Variants in TMEM132B observed in about 807,000 individuals in gnomAD.
The protein encoded by TMEM132B is transmembrane protein 132B.
A neutral mutation model predicts 90.8 loss-of-function variants in TMEM132B; 18 were observed. The observed-to-expected ratio is 0.20, with a 90% CI of 0.14 to 0.29. The LOEUF (loss-of-function observed/expected upper bound fraction) is 0.29. Among genes scored for constraint, TMEM132B ranks in the 10% least tolerant of loss-of-function variants. The pLI, the probability that TMEM132B is intolerant of heterozygous loss-of-function variation, is 1.00. For missense variants in TMEM132B, 1,096 were observed against 1,326.8 expected, an observed-to-expected ratio of 0.83 and a Z score of 2.70; for synonymous variants, 504 against 523.3, an observed-to-expected ratio of 0.96 and a Z score of 0.50.
intron 4 of TMEM132B, among the ~76,000 whole-genome samples, chr12:125,571,610 T>C (rs1884796570): frequency 6.6e-6 from 1 of 152,234 alleles, no homozygotes; most frequent in Non-Finnish European, 1.5e-5. Context: ...TTCATCTCTG[T>C]TGCCTGTTCT....
chr12:125,628,825 A>G (rs896199601), intron 5 of TMEM132B, among the ~76,000 whole-genome samples: 6 of 152,114 alleles, frequency 3.9e-5, no homozygotes, highest in Non-Finnish European at 8.8e-5. Context: ...TGATTTTTGT[A>G]TATGGTAAGA....
intron 2 of TMEM132B, among the ~76,000 whole-genome samples, chr12:125,358,402 T>G (rs1023974159): frequency 1.3e-5 from 2 of 151,692 alleles, no homozygotes; most frequent in African/African-American, 4.9e-5. Context: ...ATATTGTTAT[T>G]TAACAGACAT....
At chr12:125,494,067 G>GCC (rs1882439184) in intron 3 of TMEM132B, among the ~76,000 whole-genome samples, 1 of 136,280 alleles carries the variant, frequency 7.3e-6, no homozygotes, top group Admixed American at 7.3e-5. Context: ...CCTGGAAATG[G>GCC]ATGCGTCCCT....
At chr12:125,265,933 T>TA (rs922660196) in intron 1 of TMEM132B, among the ~76,000 whole-genome samples, 7 of 151,856 alleles carry the variant, frequency 4.6e-5, no homozygotes, top group East Asian at 3.9e-4. Flanking sequence ...GATTATATAT[T>TA]AAAAAAAACC....
intron 2 of TMEM132B, among the ~76,000 whole-genome samples, chr12:125,375,302 T>A (rs1384787631): frequency 6.6e-6 from 1 of 152,172 alleles, no homozygotes; most frequent in African/African-American, 2.4e-5. Context: ...ACTCAGGAGA[T>A]GGAGGCTGAG....
intron 3 of TMEM132B, among the ~76,000 whole-genome samples, chr12:125,516,122 A>G (rs1349388650): frequency 6.7e-6 from 1 of 148,368 alleles, no homozygotes; most frequent in African/African-American, 2.5e-5. Context: ...CACACACACT[A>G]TCGCAATCTC....
At chr12:125,555,718 A>AT (rs1366107169) in intron 4 of TMEM132B, among the ~76,000 whole-genome samples, 1 of 151,116 alleles carries the variant, frequency 6.6e-6, no homozygotes, top group Non-Finnish European at 1.5e-5. Context: ...TATAGTAAAA[A>AT]AAAATATATA....
intron 3 of TMEM132B, among the ~76,000 whole-genome samples, chr12:125,464,685 G>A (rs1593159649): frequency 1.3e-5 from 2 of 152,198 alleles, no homozygotes; most frequent in South Asian, 4.1e-4. Context: ...ATTGTGTGGT[G>A]TGGGGTGCAC....
chr12:125,248,596 G>T (rs1874253574), intron 1 of TMEM132B, among the ~76,000 whole-genome samples: 1 of 152,182 alleles, frequency 6.6e-6, no homozygotes, highest in Non-Finnish European at 1.5e-5. Flanking sequence ...TGTGCCCCAT[G>T]GAAGGCTAAT....
intron 2 of TMEM132B, among the ~76,000 whole-genome samples, chr12:125,354,576 G>T (rs1184780427): frequency 1.3e-5 from 2 of 152,160 alleles, no homozygotes; most frequent in Non-Finnish European, 2.9e-5. Context: ...GGATAAAAAA[G>T]GATGCAATGC....
intron 1 of TMEM132B, among the ~76,000 whole-genome samples, chr12:125,205,509 A>G (rs1251028298): frequency 6.6e-6 from 1 of 152,260 alleles, no homozygotes; most frequent in Non-Finnish European, 1.5e-5. Context: ...ACCACGTGCC[A>G]GGCAGGGTGT....
At chr12:125,192,918 G>A (rs1175973261) in intron 1 of TMEM132B, among the ~76,000 whole-genome samples, 1 of 152,274 alleles carries the variant, frequency 6.6e-6, no homozygotes, top group Non-Finnish European at 1.5e-5. Context: ...TAAAATGGGC[G>A]CCGAAATTCT....
intron 5 of TMEM132B, chr12:125,587,521 G>A (rs1214698157): frequency 6.6e-6 from 1 of 152,142 alleles, no homozygotes; most frequent in Non-Finnish European, 1.5e-5. Flanking sequence ...AAAATCACAG[G>A]ACCAGGTGGT....
At chr12:125,297,402 G>A (rs1167663394) in intron 1 of TMEM132B, among the ~76,000 whole-genome samples, 1 of 152,230 alleles carries the variant, frequency 6.6e-6, no homozygotes, top group Non-Finnish European at 1.5e-5. Context: ...GGTGCCCTGT[G>A]TGGAGCGTCC....
chr12:125,504,037 G>A (rs1426506212), intron 3 of TMEM132B, among the ~76,000 whole-genome samples: 8 of 152,198 alleles, frequency 5.3e-5, no homozygotes, highest in African/African-American at 1.7e-4. Flanking sequence ...AGTCACAGAC[G>A]TGATACAATC....
At chr12:125,435,621 T>C (rs554988549) in intron 3 of TMEM132B, among the ~76,000 whole-genome samples, 19 of 152,340 alleles carry the variant, frequency 1.2e-4, no homozygotes, top group African/African-American at 4.6e-4. Flanking sequence ...TCCATGAAGT[T>C]TATATTCTAG....
At chr12:125,202,317 T>A (rs1873080590) in intron 1 of TMEM132B, among the ~76,000 whole-genome samples, 1 of 152,234 alleles carries the variant, frequency 6.6e-6, no homozygotes, top group Non-Finnish European at 1.5e-5. Flanking sequence ...GCAGCACACA[T>A]GTGTTATCTC....
chr12:125,298,764 C>T (rs1328756605), intron 1 of TMEM132B, among the ~76,000 whole-genome samples: 2 of 149,546 alleles, frequency 1.3e-5, no homozygotes, highest in African/African-American at 4.9e-5. Context: ...GACGGGGTCT[C>T]TCTCTGTCAC....
At chr12:125,391,290 G>A (rs1879010329) in intron 2 of TMEM132B, among the ~76,000 whole-genome samples, 1 of 152,156 alleles carries the variant, frequency 6.6e-6, no homozygotes, top group South Asian at 2.1e-4. Context: ...TATACAAATG[G>A]AAGCTCTTGT....
Sources: gnomAD v4.1 joint callset for allele counts (sites outside exome capture counted in the v4.1 genomes callset) on GRCh38, gnomAD v4.1.1 for gene constraint, MANE v1.5 for transcripts, NCBI Gene and HGNC (gene_info 2026-07-23, HGNC 2026-07-21) for gene names.